The following CFAP44 variants were observed in gnomAD, a reference collection of about 807,000 sequenced individuals.
CFAP44 encodes cilia- and flagella-associated protein 44.
Under a neutral mutation model 216.2 loss-of-function variants are expected in CFAP44, and 134 were observed. That is an observed-to-expected ratio of 0.62 (90% CI 0.54 to 0.72). CFAP44 has a LOEUF of 0.72. Among genes scored for constraint, CFAP44 ranks in the 30% least tolerant of loss-of-function variants. CFAP44 has a pLI of 0.00. For missense variants in CFAP44, 2,035 were observed against 2,182.1 expected, an observed-to-expected ratio of 0.93 and a Z score of 1.34; for synonymous variants, 700 against 727.6, an observed-to-expected ratio of 0.96 and a Z score of 0.61.
At chr3:113,386,510 A>C (rs1020915600) in intron 15 of CFAP44, among the ~76,000 whole-genome samples, 6 of 152,114 alleles carry the variant, frequency 3.9e-5, no homozygotes, top group African/African-American at 1.5e-4. Flanking sequence ...ATATTACATG[A>C]AACAGTGAAG....
Position 113,306,272 on chromosome 3 carries a change from C to T in CFAP44, c.4687G>A (p.Glu1563Lys). ...TTCTTTTCTTCAACTAAAGCCTCCT[C>T]AATGTCCAGCCTTTTCTCTCGAAGG... ...LHLREKRLDIEEALVEEKKIV... is the reference protein window; with the variant it reads ...LHLREKRLDIKEALVEEKKIV... The change falls in exon 30 of 35, where the codon GAG (glutamate) becomes AAG (lysine). Residue 1563 changes from glutamate (E) to lysine (K), a missense_variant. Physicochemically the swap from Glu to Lys is moderately conservative, Grantham distance 56 (BLOSUM62 1). This residue lies in a region of CFAP44 where 1,883 missense variants were observed against 2,023.7 expected (regional missense o/e 0.93). Coordinates refer to ENST00000393845, the MANE Select transcript of CFAP44 (RefSeq NM_001164496.2). 1 of 1,536,994 alleles carries T rather than the reference C, an allele frequency of 6.5e-7. No homozygotes were observed.
intron 28 of CFAP44, among the ~76,000 whole-genome samples, chr3:113,323,540 A>G (rs1950163441): frequency 1.3e-5 from 2 of 152,220 alleles, no homozygotes; most frequent in Admixed American, 1.3e-4. Flanking sequence ...TGGGTGCAAT[A>G]TACCAATGTA....
intron 18 of CFAP44, among the ~76,000 whole-genome samples, chr3:113,366,755 G>A (rs1932944948): frequency 1.3e-5 from 2 of 152,294 alleles, no homozygotes; most frequent in Admixed American, 6.5e-5. Context: ...AGCAAGGCAG[G>A]GTGTTGCCTC....
At chr3:113,343,207 A>G (rs1300017725) in intron 23 of CFAP44, among the ~76,000 whole-genome samples, 3 of 151,692 alleles carry the variant, frequency 2.0e-5, no homozygotes, top group African/African-American at 7.3e-5. Flanking sequence ...GACTACAGGA[A>G]TGTGCCACCG....
At chr3:113,427,416 T>C (rs141809703) in intron 2 of CFAP44, 77 bp from the exon 3 acceptor site, 149 of 1,139,010 alleles carry the variant, frequency 1.3e-4, no homozygotes, top group Non-Finnish European at 1.7e-4. Context: ...AAACTTCCAA[T>C]TTCCTTGTGC....
At chr3:113,391,407 G>A (rs889912998) in intron 15 of CFAP44, among the ~76,000 whole-genome samples, 2 of 152,010 alleles carry the variant, frequency 1.3e-5, no homozygotes, top group Non-Finnish European at 2.9e-5. Flanking sequence ...AAACATTGGG[G>A]AAACTCTCCA....
chr3:113,363,402 T>C, intron 20 of CFAP44, 75 bp downstream of exon 20: 2 of 1,573,186 alleles, frequency 1.3e-6, no homozygotes, highest in Non-Finnish European at 1.7e-6. Context: ...TTCATTAAGC[T>C]TGGTCAACTT....
Position 113,287,155 on chromosome 3 carries a change from G to T in CFAP44, c.*4402C>A. The stretch of plus-strand genomic sequence containing the variant: ...CTAACCTGGGGCCTCTGCAGTGGCA[G>T]GCGAGGCTGCAGGAGGCCCACAGAT... On this transcript the variant is annotated 3_prime_UTR_variant, in exon 35 of 35. Coordinates refer to ENST00000393845, the MANE Select transcript of CFAP44 (RefSeq NM_001164496.2). The T allele has an allele frequency of 2.3e-6, 1 of 438,134 alleles. No individual in the cohort carries two copies. Among genetic ancestry groups the T allele is most frequent in the Non-Finnish European group, 4.4e-6 (1 of 227,950 alleles). 27.1% of individuals were successfully genotyped at this position (438,134 alleles called of 1,614,324 possible).
intron 13 of CFAP44, among the ~76,000 whole-genome samples, chr3:113,399,523 T>A (rs1934086141): frequency 6.9e-6 from 1 of 144,492 alleles, no homozygotes; most frequent in Non-Finnish European, 1.6e-5. Context: ...AAGTATTTTT[T>A]GTCTTTTTAT....
chr3:113,416,065 G>T (rs1212467231), intron 6 of CFAP44, among the ~76,000 whole-genome samples: 1 of 152,166 alleles, frequency 6.6e-6, no homozygotes, highest in Non-Finnish European at 1.5e-5. Context: ...TACATATTCA[G>T]AATAGTTAGC....
chr3:113,384,501 A>G (rs1473657036), intron 15 of CFAP44, among the ~76,000 whole-genome samples: 1 of 152,224 alleles, frequency 6.6e-6, no homozygotes, highest in Non-Finnish European at 1.5e-5. Flanking sequence ...AGATCTTTAA[A>G]AGAGATAAGT....
At chr3:113,405,697 G>C (rs896973103) in intron 8 of CFAP44, among the ~76,000 whole-genome samples, 3 of 152,098 alleles carry the variant, frequency 2.0e-5, no homozygotes, top group African/African-American at 7.2e-5. Flanking sequence ...TCCTTCAGTT[G>C]CTCTATCATT....
chr3:113,304,302 C>A, intron 31 of CFAP44, 185 bp from the exon 32 acceptor site: 1 of 608,804 alleles, frequency 1.6e-6, no homozygotes, highest in South Asian at 2.1e-5. Flanking sequence ...AGACAGAAAG[C>A]CACATCACGT....
At position 113,350,258 on chromosome 3, in the gene CFAP44, A is replaced by AAG. The variant is rs376414863; in HGVS notation, c.3066-5548_3066-5547dup. 1.9e-3 allele frequency among the ~76,000 whole-genome samples: 289 copies of AAG among 152,018 alleles called. 2 individuals carry two copies. The highest frequency in any genetic ancestry group is 5.7e-3 in the African/African-American group (236 of 41,486). The stretch of plus-strand genomic sequence containing the variant: ...AGGAAGTCAAAAAGAAAGAGAAGGA[A>AAG]AGAGAGGAAGAGACAGACAAAGAAG... On this transcript the variant is annotated intron_variant, in intron 22 of 34. Transcript: ENST00000393845.
chr3:113,385,651 G>C (rs544658452), intron 15 of CFAP44, among the ~76,000 whole-genome samples: 2 of 151,920 alleles, frequency 1.3e-5, no homozygotes, highest in Non-Finnish European at 2.9e-5. Context: ...TTGTTTGTTT[G>C]TTTGTTTTGA....
chr3:113,373,423 G>A lies in CFAP44; in HGVS notation c.2432C>T (p.Thr811Ile). 3.2e-6 allele frequency: 5 copies of A among 1,576,004 alleles called. No homozygotes were observed. The highest frequency in any genetic ancestry group is 4.3e-6 in the Non-Finnish European group (5 of 1,160,158). ...AAATACTGCTCACTTGAAAGTGATAGTTTGGATGGGATTGTCCTCTGTATC... is the reference window on the plus strand; with the variant it reads ...AAATACTGCTCACTTGAAAGTGATAATTTGGATGGGATTGTCCTCTGTATC... ...LADTEDNPIQ[T>I]ITFNINKVMM... The change falls in exon 18 of 35, where the codon ACT becomes ATT. Residue 811 changes from threonine to isoleucine, a missense_variant. Transcript: ENST00000393845.
At chr3:113,368,577 G>A (rs890556836) in intron 18 of CFAP44, among the ~76,000 whole-genome samples, 10 of 152,132 alleles carry the variant, frequency 6.6e-5, no homozygotes, top group African/African-American at 2.4e-4. Flanking sequence ...CCTTACAAGA[G>A]CTCCTGAAGG....
intron 18 of CFAP44, among the ~76,000 whole-genome samples, chr3:113,372,515 T>C (rs1933200686): frequency 6.6e-6 from 1 of 151,776 alleles, no homozygotes; most frequent in Non-Finnish European, 1.5e-5. Flanking sequence ...CACTCATAGG[T>C]GGGAATTGAA....
At chr3:113,379,153 C>T (rs1474826213) in intron 17 of CFAP44, among the ~76,000 whole-genome samples, 153 bp downstream of exon 17, 1 of 151,954 alleles carries the variant, frequency 6.6e-6, no homozygotes, top group Non-Finnish European at 1.5e-5. Flanking sequence ...TTCATCAAAA[C>T]TCACGACTTC....
Sources: gnomAD v4.1 joint callset for allele counts (sites outside exome capture counted in the v4.1 genomes callset) on GRCh38, gnomAD v4.1.1 for gene constraint, gnomAD v4.1.1 regional missense constraint, MANE v1.5 for transcripts, NCBI Gene and HGNC (gene_info 2026-07-23, HGNC 2026-07-21) for gene names.